DOK6: variants seen among roughly 807,000 people sequenced by gnomAD.
DOK6 encodes the protein docking protein 6, also known as downstream of tyrosine kinase 6.
In DOK6, 22 loss-of-function variants were observed where a neutral mutation model predicts 44.0. That is an observed-to-expected ratio of 0.50 (90% CI 0.36 to 0.71). The LOEUF (loss-of-function observed/expected upper bound fraction) is 0.71. DOK6 is among the 30% of genes least tolerant of loss of function. The pLI is 0.00. For missense variants in DOK6, 340 were observed against 416.4 expected, an observed-to-expected ratio of 0.82 and a Z score of 1.60; for synonymous variants, 166 against 145.5, an observed-to-expected ratio of 1.14 and a Z score of -1.01.
chr18:69,649,031 C>A (rs1446166165), intron 3 of DOK6, among the ~76,000 whole-genome samples: 1 of 152,146 alleles, frequency 6.6e-6, no homozygotes, highest in Admixed American at 6.5e-5. Flanking sequence ...ATTCTTGCAT[C>A]CTGATCATTT....
intron 1 of DOK6, among the ~76,000 whole-genome samples, chr18:69,550,777 C>CTT (rs10538639): frequency 1.7e-3 from 201 of 121,388 alleles, no homozygotes; most frequent in Non-Finnish European, 2.1e-3. Context: ...TTGTTTCTTT[C>CTT]TTTTTTTTTT....
In DOK6 at chr18:69,443,257, T is replaced by C. The variant is rs137988045; in HGVS notation, c.66+41947T>C. ...TGTTTGAATATGACATTTGACTACCTGATGAAGGCATAGCTCCTCTCAGCA... is the reference window on the plus strand; with the variant it reads ...TGTTTGAATATGACATTTGACTACCCGATGAAGGCATAGCTCCTCTCAGCA... On this transcript the variant is annotated intron_variant, in intron 1 of 7. Transcript: ENST00000382713. Among the ~76,000 whole-genome samples, 513 of 152,302 alleles carry C rather than the reference T, an allele frequency of 3.4e-3. 3 individuals are homozygous for C. The highest frequency in any genetic ancestry group is 0.011 in the African/African-American group (478 of 41,574).
intron 7 of DOK6, among the ~76,000 whole-genome samples, chr18:69,839,233 A>C (rs1265576955): frequency 8.3e-6 from 1 of 120,016 alleles, no homozygotes; most frequent in Non-Finnish European, 1.8e-5. Flanking sequence ...TCCCTAACTC[A>C]TCCCCTAGTC....
chr18:69,501,403 C>A (rs1303347987), intron 1 of DOK6, among the ~76,000 whole-genome samples: 2 of 152,060 alleles, frequency 1.3e-5, no homozygotes, highest in African/African-American at 4.8e-5. Context: ...ACCCAATATC[C>A]TCAAATAATT....
chr18:69,472,074 C>T (rs1166295068), intron 1 of DOK6, among the ~76,000 whole-genome samples: 3 of 152,114 alleles, frequency 2.0e-5, no homozygotes, highest in Non-Finnish European at 4.4e-5. Context: ...CCAAACAACT[C>T]TTTAGTTAGG....
At chr18:69,567,870 C>T (rs767368204) in intron 2 of DOK6, among the ~76,000 whole-genome samples, 73 of 152,226 alleles carry the variant, frequency 4.8e-4, no homozygotes, top group Admixed American at 9.2e-4. Context: ...CAGCAGCTTA[C>T]TTACATTGTC....
At chr18:69,691,162 G>A (rs774555513) in intron 4 of DOK6, among the ~76,000 whole-genome samples, 10 of 150,180 alleles carry the variant, frequency 6.7e-5, no homozygotes, top group Non-Finnish European at 1.2e-4. Flanking sequence ...CAGCCCGGGC[G>A]ACAAGAGCGA....
chr18:69,592,866 A>G (rs1252527817), intron 2 of DOK6, among the ~76,000 whole-genome samples: 3 of 152,170 alleles, frequency 2.0e-5, no homozygotes, highest in African/African-American at 7.2e-5. Context: ...TTTATGTTAC[A>G]TTGACAGGTT....
chr18:69,572,839 G>T (rs945772579), intron 2 of DOK6, among the ~76,000 whole-genome samples: 1 of 151,958 alleles, frequency 6.6e-6, no homozygotes, highest in African/African-American at 2.4e-5. Flanking sequence ...GGTCCTTGAT[G>T]ACTTTGACAA....
chr18:69,657,777 C>T (rs1420750741), intron 3 of DOK6, among the ~76,000 whole-genome samples: 1 of 152,184 alleles, frequency 6.6e-6, no homozygotes, highest in Non-Finnish European at 1.5e-5. Flanking sequence ...AGATTTTCAC[C>T]TGTTTCATAA....
At chr18:69,426,495 T>C (rs1010535002) in intron 1 of DOK6, among the ~76,000 whole-genome samples, 10 of 152,312 alleles carry the variant, frequency 6.6e-5, no homozygotes, top group African/African-American at 2.4e-4. Context: ...AGATCACCTA[T>C]GAAAGTCGTT....
chr18:69,683,299 A>T (rs1986083199), intron 4 of DOK6, among the ~76,000 whole-genome samples: 1 of 152,226 alleles, frequency 6.6e-6, no homozygotes, highest in South Asian at 2.1e-4. Context: ...GCAGTGAGGG[A>T]ATCAATCTGT....
chr18:69,724,744 C>T (rs922554023), intron 5 of DOK6: 18 of 152,178 alleles, frequency 1.2e-4, no homozygotes, highest in African/African-American at 4.3e-4. Context: ...TCTCCCCCAT[C>T]TTACGTCACT....
intron 1 of DOK6, among the ~76,000 whole-genome samples, chr18:69,418,070 C>A (rs1046747900): frequency 6.6e-6 from 1 of 152,114 alleles, no homozygotes; most frequent in South Asian, 2.1e-4. Context: ...GATGTGATCC[C>A]ATTTGCCCAT....
intron 5 of DOK6, among the ~76,000 whole-genome samples, chr18:69,723,575 G>A (rs78034100): frequency 6.6e-6 from 1 of 152,332 alleles, no homozygotes; most frequent in Non-Finnish European, 1.5e-5. Context: ...CAACACCATT[G>A]GGGAAGGTGG....
At chr18:69,675,504 C>T (rs755363702) in intron 3 of DOK6, among the ~76,000 whole-genome samples, 53 of 152,010 alleles carry the variant, frequency 3.5e-4, no homozygotes, top group Non-Finnish European at 5.9e-4. Context: ...ATTTTTACAT[C>T]GTGGAGTCTT....
chr18:69,814,456 A>G (rs2145118705), intron 7 of DOK6, among the ~76,000 whole-genome samples: 2 of 152,288 alleles, frequency 1.3e-5, no homozygotes, highest in East Asian at 1.9e-4. Context: ...TTAGATTCTC[A>G]TAAGGAACAC....
intron 1 of DOK6, among the ~76,000 whole-genome samples, chr18:69,412,304 C>T (rs1003233283): frequency 6.6e-6 from 1 of 152,188 alleles, no homozygotes; most frequent in Non-Finnish European, 1.5e-5. Flanking sequence ...GGACCCTCTA[C>T]CTGTGATAAT....
At chr18:69,655,547 G>A (rs1266121074) in intron 3 of DOK6, among the ~76,000 whole-genome samples, 2 of 151,954 alleles carry the variant, frequency 1.3e-5, no homozygotes, top group Non-Finnish European at 2.9e-5. Flanking sequence ...GAGCTCAGGA[G>A]TTTGAGACCA....
Sources: allele counts gnomAD v4.1 joint callset (sites outside exome capture counted in the v4.1 genomes callset), GRCh38; gene constraint gnomAD v4.1.1; transcripts MANE v1.5; gene names NCBI Gene and HGNC (gene_info 2026-07-23, HGNC 2026-07-21).